The following BEST2 variants were observed in gnomAD, a reference collection of about 807,000 sequenced individuals.
BEST2 encodes the protein bestrophin-2a.
In BEST2, 36 loss-of-function variants were observed where a neutral mutation model predicts 49.0. The observed-to-expected ratio is 0.73, with a 90% CI of 0.56 to 0.97. The LOEUF is 0.97. Among genes scored for constraint, BEST2 ranks in the 50% least tolerant of loss-of-function variants. The pLI is 0.00. For synonymous variants in BEST2, 335 were observed against 304.4 expected (o/e 1.10, Z -1.05); for missense variants, 672 against 710.0 (o/e 0.95, Z 0.61).
At chr19:12,752,242 G>A (rs1337068128) in intron 1 of BEST2, among the ~76,000 whole-genome samples, 1 of 151,884 alleles carries the variant, frequency 6.6e-6, no homozygotes, top group African/African-American at 2.4e-5. Flanking sequence ...AATGGGGCAT[G>A]CTACAGGTGG....
At chr19:12,752,804 T>A (rs914748337) in intron 2 of BEST2, 60 bp downstream of exon 2, 1 of 1,096,448 alleles carries the variant, frequency 9.1e-7, no homozygotes, top group Admixed American at 4.3e-5. Flanking sequence ...TATATATATA[T>A]AATATATAAA....
Position 12,757,772 on chromosome 19 carries a change from C to T in BEST2, c.1225C>T (p.Pro409Ser), listed in dbSNP as rs1479167346. Residue 409 changes from proline to serine, a missense_variant, in exon 10 of 10, where the codon CCG becomes TCG. Transcript: ENST00000553030. ...GGGCGCGGGCATGGTCGCGGGAGGC[C>T]CGCTGGGCCGGCGCCTGTCCTTTCT... ...PAGAGMVAGG[P>S]LGRRLSFLLR... is the part of the protein sequence containing the mutation. 1.9e-6 allele frequency: 3 copies of T among 1,545,372 alleles called. No homozygotes were observed. Among genetic ancestry groups the T allele is most frequent in the Non-Finnish European group, 2.6e-6 (3 of 1,146,076 alleles).
At chr19:12,757,596 C>G in intron 9 of BEST2, 55 bp from the exon 10 acceptor site, 1 of 1,504,608 alleles carries the variant, frequency 6.6e-7, no homozygotes, top group South Asian at 1.3e-5. Flanking sequence ...GCCTGGGACC[C>G]TGCTCTGTCA....
Position 12,754,650 on chromosome 19 carries a change from G to T in BEST2, c.346G>T (p.Gly116Ter), listed in dbSNP as rs1475585144. The T allele has an allele frequency of 8.3e-6, 13 of 1,560,282 alleles. No individual in the cohort carries two copies. Among genetic ancestry groups the T allele is most frequent in the Non-Finnish European group, 1.1e-5 (13 of 1,151,722 alleles). ...GTGCGTGGTGGCGGGCACCGTGCAC[G>T]GACGCGACGACCGCGGCCGCCTCTA... is the stretch of plus-strand genomic sequence containing the variant. ...LMCVVAGTVHGRDDRGRLYRR... is the reference protein window; with the variant it reads ...LMCVVAGTVH Residue 116 changes from glycine to a stop codon, truncating the protein, a stop_gained, in exon 4 of 10, where the codon GGA becomes TGA. Transcript: ENST00000553030. LOFTEE classifies it high-confidence loss of function.
rs763605475 is a variant in BEST2, at chr19:12,752,693, G to A, written c.101G>A (p.Arg34Gln). The change falls in exon 2 of 10, where the codon CGA (arginine) becomes CAA (glutamine). Residue 34 changes from arginine to glutamine, a missense_variant. Around this residue, in one of 3 missense-constraint regions of BEST2, gnomAD observed 365 missense variants for 390.9 expected, o/e 0.93. Coordinates refer to ENST00000553030, the MANE Select transcript of BEST2 (RefSeq NM_017682.3). ...WRGSIYKLLW[R>Q]ELLCFLGFYM... is the part of the protein sequence containing the mutation. Reference sequence around the variant, plus strand: ...GGGAGCATCTACAAACTCCTGTGGCGAGAGCTGCTCTGCTTCCTTGGGTTC... The same window carrying A: ...GGGAGCATCTACAAACTCCTGTGGCAAGAGCTGCTCTGCTTCCTTGGGTTC... The A allele has an allele frequency of 3.7e-5, 59 of 1,606,464 alleles. No individual in the cohort carries two copies. Among genetic ancestry groups the A allele is most frequent in the South Asian group, 3.1e-4 (28 of 90,548 alleles).
chr19:12,756,557 G>A lies in BEST2; in HGVS notation c.1103+262G>A, dbSNP rs1967946619. 11 of 499,026 alleles carry A rather than the reference G, an allele frequency of 2.2e-5. 1 individual carries two copies. Among genetic ancestry groups the A allele is most frequent in the Middle Eastern group, 5.5e-4 (1 of 1,822 alleles). 30.9% of individuals were successfully genotyped at this position (499,026 alleles called of 1,614,324 possible). A position where few individuals can be genotyped will look rare whatever the true frequency, so the allele number is the denominator to read the frequency against. ...AGTGGTGATTCCAAAGGAGATGAGG[G>A]CTGAGGCCAGGAGCACTGGCTCACG... On this transcript the variant is annotated intron_variant, in intron 9 of 9. Coordinates refer to ENST00000553030, the MANE Select transcript of BEST2 (RefSeq NM_017682.3).
chr19:12,753,438 G>A (rs1202412522), intron 3 of BEST2, 84 bp downstream of exon 3: 2 of 1,274,478 alleles, frequency 1.6e-6, no homozygotes, highest in Non-Finnish European at 2.2e-6. Flanking sequence ...CCCCATTCCT[G>A]CCCCTCTGAG....
chr19:12,753,485 C>T, intron 3 of BEST2, 131 bp downstream of exon 3: 1 of 808,456 alleles, frequency 1.2e-6, no homozygotes, highest in Non-Finnish European at 2.1e-6. Context: ...CAGCACTGCC[C>T]ACCCATTTTT....
At chr19:12,757,287 C>T (rs1457324100) in intron 9 of BEST2, among the ~76,000 whole-genome samples, 1 of 151,942 alleles carries the variant, frequency 6.6e-6, no homozygotes, top group Non-Finnish European at 1.5e-5. Flanking sequence ...TGGCACGCAC[C>T]TGTAGTCGCA....
intron 2 of BEST2, among the ~76,000 whole-genome samples, 182 bp from the exon 3 acceptor site, chr19:12,753,078 T>C (rs1967890559): frequency 6.6e-6 from 1 of 152,050 alleles, no homozygotes; most frequent in Non-Finnish European, 1.5e-5. Context: ...CTCAAACTTC[T>C]GACCTCAAGT....
At position 12,754,763 on chromosome 19, in the gene BEST2, C is replaced by G. The variant is rs763186839; in HGVS notation, c.459C>G (p.Thr153=). ...VSTAVFKRFP[T]IDHVVEAGFM... is the part of the protein sequence containing the mutation. Reference sequence around the variant, plus strand: ...CCGCGGTGTTCAAGCGCTTCCCCACCATAGACCACGTGGTGGAGGCTGGTG... The same window carrying G: ...CCGCGGTGTTCAAGCGCTTCCCCACGATAGACCACGTGGTGGAGGCTGGTG... Residue 153 remains threonine, a synonymous_variant, in exon 4 of 10, where the codon ACC becomes ACG. Coordinates refer to ENST00000553030, the MANE Select transcript of BEST2 (RefSeq NM_017682.3). 24 of 1,587,192 alleles carry G rather than the reference C, an allele frequency of 1.5e-5. No individual in the cohort carries two copies. The highest frequency in any genetic ancestry group is 1.3e-4 in the Admixed American group (7 of 55,624).
rs1251448428 is a variant in BEST2, at chr19:12,758,015, C to G, written c.1468C>G (p.Arg490Gly). 1.9e-6 allele frequency: 3 copies of G among 1,612,912 alleles called. No homozygotes were observed. The highest frequency in any genetic ancestry group is 2.5e-6 in the Non-Finnish European group (3 of 1,179,894). ...PFSIVTMPGPRGPAPPWLPSP... is the reference protein window; with the variant it reads ...PFSIVTMPGPGGPAPPWLPSP... Reference sequence around the variant, plus strand: ...CAGCATCGTGACCATGCCCGGGCCCCGGGGTCCGGCGCCACCCTGGCTGCC... The same window carrying G: ...CAGCATCGTGACCATGCCCGGGCCCGGGGGTCCGGCGCCACCCTGGCTGCC... Residue 490 changes from arginine (R) to glycine (G), a missense_variant, in exon 10 of 10, where the codon CGG becomes GGG. Physicochemically the swap from Arg to Gly is moderately radical, Grantham distance 125. Around this residue, in one of 3 missense-constraint regions of BEST2, gnomAD observed 291 missense variants for 279.8 expected, o/e 1.04. Transcript: ENST00000553030.
chr19:12,756,348 G>C, intron 9 of BEST2, 53 bp downstream of exon 9: 1 of 1,589,220 alleles, frequency 6.3e-7, no homozygotes. Context: ...TGGCTCTGCG[G>C]GGCACATCTG....
At position 12,755,431 on chromosome 19, in the gene BEST2, T is replaced by C. The variant is rs1351031453; in HGVS notation, c.689T>C (p.Ile230Thr). The C allele has an allele frequency of 1.4e-5, 22 of 1,614,056 alleles. No individual in the cohort carries two copies. Among genetic ancestry groups the C allele is most frequent in the Non-Finnish European group, 1.6e-5 (19 of 1,180,042 alleles). ...KCGMLFHYDW[I>T]SVPLVYTQVV... ...GGAATGCTCTTTCACTATGACTGGA[T>C]TAGCGTACCCCTCGTGTACACGCAG... The change falls in exon 6 of 10, where the codon ATT (isoleucine) becomes ACT (threonine). Residue 230 changes from isoleucine to threonine, a missense_variant. Coordinates refer to ENST00000553030, the MANE Select transcript of BEST2 (RefSeq NM_017682.3). This position sits in a 1 kb window ranked among gnomAD's most constrained non-coding sequence, Gnocchi z 4.4.
At position 12,756,127 on chromosome 19, in the gene BEST2, G is replaced by A; in HGVS notation, c.949-14G>A. 6.2e-7 allele frequency: 1 copy of A among 1,614,226 alleles called. No homozygotes were observed. The highest frequency in any genetic ancestry group is 1.1e-5 in the South Asian group (1 of 91,088). On this transcript the variant is annotated splice_polypyrimidine_tract_variant and intron_variant, in intron 8 of 9. Transcript: ENST00000553030. ...GCCCTGCCCCCACTTTACCCTGTGT[G>A]TTTGCACCCGTAGGTGTCCATGCTG... is the stretch of plus-strand genomic sequence containing the variant.
Position 12,755,251 on chromosome 19 carries a change from C to T in BEST2, c.637-128C>T, listed in dbSNP as rs769349619. 1.8e-6 allele frequency: 2 copies of T among 1,120,432 alleles called. No individual in the cohort carries two copies. Among genetic ancestry groups the T allele is most frequent in the Non-Finnish European group, 1.3e-6 (1 of 761,746 alleles). The allele number at this position is 1,120,432 out of a possible 1,614,324, so 69.4% of individuals were successfully genotyped here. Reference sequence around the variant, plus strand: ...GCACACTCACCACCAAATACCCTCCCTGGAACCCCCAAAGCACACTCCCAA... The same window carrying T: ...GCACACTCACCACCAAATACCCTCCTTGGAACCCCCAAAGCACACTCCCAA... On this transcript the variant is annotated intron_variant, in intron 5 of 9. Coordinates refer to ENST00000553030, the MANE Select transcript of BEST2 (RefSeq NM_017682.3). This position sits in a 1 kb window ranked among gnomAD's most constrained non-coding sequence, Gnocchi z 4.4.
Position 12,758,050 on chromosome 19 carries a change from T to C in BEST2, c.1503T>C (p.Ile501=). Residue 501 remains isoleucine, a synonymous_variant, in exon 10 of 10, where the codon ATT becomes ATC. Transcript: ENST00000553030. Reference sequence around the variant, plus strand: ...CGCCACCCTGGCTGCCCAGCCCTATTGGCGAGGAGGAGGAGAATCTGGCCT... The same window carrying C: ...CGCCACCCTGGCTGCCCAGCCCTATCGGCGAGGAGGAGGAGAATCTGGCCT... ...GPAPPWLPSP[I]GEEEENLA 1 of 1,613,194 alleles carries C rather than the reference T, an allele frequency of 6.2e-7. No homozygotes were observed. The highest frequency in any genetic ancestry group is 1.1e-5 in the South Asian group (1 of 90,980).
At chr19:12,752,812 A>T in intron 2 of BEST2, 68 bp downstream of exon 2, 1 of 1,034,350 alleles carries the variant, frequency 9.7e-7, no homozygotes, top group South Asian at 3.8e-5. Context: ...TATAATATAT[A>T]AAAATTATAA....
Position 12,754,637 on chromosome 19 carries a change from G to A in BEST2, c.333G>A (p.Ala111=), listed in dbSNP as rs541734210. 6 of 1,562,868 alleles carry A rather than the reference G, an allele frequency of 3.8e-6. No individual in the cohort carries two copies. The East Asian group carries it at 9.6e-5, about 25-fold the overall frequency. ...PLPDALMCVV[A]GTVHGRDDRG... The stretch of plus-strand genomic sequence containing the variant: ...CCGACGCGCTCATGTGCGTGGTGGC[G>A]GGCACCGTGCACGGACGCGACGACC... The change falls in exon 4 of 10, where the codon GCG becomes GCA. Residue 111 remains alanine, a synonymous_variant. Transcript: ENST00000553030.
Sources: gnomAD v4.1 joint callset for allele counts (sites outside exome capture counted in the v4.1 genomes callset) on GRCh38, gnomAD v4.1.1 for gene constraint, gnomAD v4.1.1 regional missense constraint, Gnocchi (gnomAD v3.1) non-coding constraint, MANE v1.5 for transcripts, NCBI Gene and HGNC (gene_info 2026-07-23, HGNC 2026-07-21) for gene names.